PDE8B: variants seen among roughly 807,000 people sequenced by gnomAD.
The protein encoded by PDE8B is high affinity cAMP-specific and IBMX-insensitive 3',5'-cyclic phosphodiesterase 8B.
In PDE8B, 26 loss-of-function variants were observed where a neutral mutation model predicts 101.3. The observed-to-expected ratio is 0.26, with a 90% CI of 0.19 to 0.36. PDE8B has a LOEUF of 0.36. Ranked by LOEUF, PDE8B falls within the 10% of genes least tolerant of loss-of-function variation. The pLI, the probability that PDE8B is intolerant of heterozygous loss-of-function variation, is 1.00. For missense variants in PDE8B, 810 were observed against 1,163.1 expected (o/e 0.70, Z 4.42); for synonymous variants, 424 against 429.3 (o/e 0.99, Z 0.15).
the PDE8B span, among the ~76,000 whole-genome samples, chr5:77,094,709 A>G: frequency 1.3e-5 from 2 of 152,194 alleles, no homozygotes; most frequent in African/African-American, 2.4e-5. Context: ...TGGTGTCAGC[A>G]TCTGCTTCTG....
chr5:77,381,506 G>A (rs981862573), intron 10 of PDE8B, among the ~76,000 whole-genome samples: 1 of 152,180 alleles, frequency 6.6e-6, no homozygotes, highest in Non-Finnish European at 1.5e-5. Flanking sequence ...TGAAATGGGT[G>A]TTGAAGGAGG....
intron 19 of PDE8B, 110 bp from the exon 20 acceptor site, chr5:77,421,711 C>G: frequency 1.0e-6 from 1 of 987,014 alleles, no homozygotes; most frequent in Non-Finnish European, 1.6e-6. Context: ...TTCGCCGAGT[C>G]CCAGTCCTAC....
At chr5:77,277,348 A>C (rs1764055625) in intron 1 of PDE8B, among the ~76,000 whole-genome samples, 1 of 152,224 alleles carries the variant, frequency 6.6e-6, no homozygotes, top group African/African-American at 2.4e-5. Flanking sequence ...GGGTTGTCAG[A>C]ATGCAAAAAT....
At chr5:77,413,071 G>A (rs1362289628) in intron 16 of PDE8B, 40 bp from the exon 17 acceptor site, 1 of 1,544,976 alleles carries the variant, frequency 6.5e-7, no homozygotes, top group Non-Finnish European at 8.9e-7. Context: ...TTCTGGGCCA[G>A]TGAATACAAT....
chr5:77,176,926 A>G, the PDE8B span, among the ~76,000 whole-genome samples: 1,199 of 152,068 alleles, frequency 7.9e-3, 20 homozygotes, highest in African/African-American at 0.027. Flanking sequence ...CCCCAGCCCC[A>G]CCTCCAGCTA....
At chr5:77,259,087 A>G in intron 1 of PDE8B, among the ~76,000 whole-genome samples, 1 of 36,108 alleles carries the variant, frequency 2.8e-5, no homozygotes, top group African/African-American at 1.2e-4. Flanking sequence ...CCCCCCCCAC[A>G]CACACACACG....
chr5:77,194,783 T>C, the PDE8B span, among the ~76,000 whole-genome samples: 1 of 152,264 alleles, frequency 6.6e-6, no homozygotes, highest in Non-Finnish European at 1.5e-5. Context: ...TTTTTTTAAA[T>C]GGCTGAATAA....
chr5:77,345,498 C>A (rs978040902), intron 7 of PDE8B, among the ~76,000 whole-genome samples: 2 of 152,180 alleles, frequency 1.3e-5, no homozygotes, highest in African/African-American at 4.8e-5. Context: ...TGTGAAGACA[C>A]TATTGACATA....
chr5:77,158,284 A>G, the PDE8B span, among the ~76,000 whole-genome samples: 1 of 152,252 alleles, frequency 6.6e-6, no homozygotes, highest in Non-Finnish European at 1.5e-5. Context: ...GATGCTAAAA[A>G]TATGTAGTGA....
At chr5:77,283,517 C>T (rs1226984011) in intron 1 of PDE8B, among the ~76,000 whole-genome samples, 1 of 152,188 alleles carries the variant, frequency 6.6e-6, no homozygotes, top group Non-Finnish European at 1.5e-5. Context: ...CTGACAACCA[C>T]TGATCTTTTT....
Position 77,331,456 on chromosome 5 carries a change from C to T in PDE8B, c.705C>T (p.Asn235=), listed in dbSNP as rs1437364677. 3.1e-6 allele frequency: 5 copies of T among 1,611,702 alleles called. No homozygotes were observed. The highest frequency in any genetic ancestry group is 4.2e-6 in the Non-Finnish European group (5 of 1,177,950). The part of the protein sequence containing the change: ...SVLPLLHAGF[N]RRFMENSSII... ...TTCCTCTTCTCCACGCAGGCTTCAA[C>T]AGGGTATGTACAAGATATCCAGCAT... The change falls in exon 5 of 22, where the codon AAC becomes AAT. Residue 235 remains asparagine (N), a synonymous_variant. Coordinates refer to ENST00000264917, the MANE Select transcript of PDE8B (RefSeq NM_003719.5).
intron 1 of PDE8B, among the ~76,000 whole-genome samples, chr5:77,267,256 G>A (rs1417971417): frequency 5.9e-5 from 9 of 152,000 alleles, no homozygotes; most frequent in South Asian, 2.1e-4. Flanking sequence ...TGGCTAAGGC[G>A]GGGAAACCCC....
intron 1 of PDE8B, among the ~76,000 whole-genome samples, chr5:77,237,403 G>C (rs1053360436): frequency 9.2e-5 from 14 of 151,642 alleles, no homozygotes; most frequent in African/African-American, 3.4e-4. Context: ...ACATCTCTTT[G>C]TGTAGATTTT....
chr5:77,186,787 T>TA, the PDE8B span, among the ~76,000 whole-genome samples: 2 of 152,128 alleles, frequency 1.3e-5, no homozygotes, highest in African/African-American at 4.8e-5. Context: ...CTTTGGCAAC[T>TA]ATGTGCACCA....
At chr5:77,351,219 C>T (rs748251843) in intron 9 of PDE8B, 66 bp downstream of exon 9, 32 of 1,137,174 alleles carry the variant, frequency 2.8e-5, no homozygotes, top group Middle Eastern at 2.0e-4. Flanking sequence ...GGGCATTGGG[C>T]TTGAAATGCC....
At chr5:77,245,396 T>A (rs574631965) in intron 1 of PDE8B, among the ~76,000 whole-genome samples, 1 of 152,366 alleles carries the variant, frequency 6.6e-6, no homozygotes, top group East Asian at 1.9e-4. Context: ...TCTGTGACTT[T>A]ATATGCAAGA....
At chr5:77,328,895 A>G in intron 3 of PDE8B, 103 bp from the exon 4 acceptor site, 2 of 882,342 alleles carry the variant, frequency 2.3e-6, no homozygotes, top group Non-Finnish European at 3.8e-6. Context: ...TTCTTTAGAG[A>G]AAGATTTGAT....
chr5:77,276,194 T>A (rs1763817705), intron 1 of PDE8B, among the ~76,000 whole-genome samples: 1 of 152,238 alleles, frequency 6.6e-6, no homozygotes, highest in Non-Finnish European at 1.5e-5. Flanking sequence ...GGCATTGCAC[T>A]GATGTCCTTC....
At chr5:77,137,049 T>C in the PDE8B span, among the ~76,000 whole-genome samples, 2 of 152,342 alleles carry the variant, frequency 1.3e-5, no homozygotes, top group African/African-American at 4.8e-5. Flanking sequence ...TTTCATTCTC[T>C]GCAGGTTCTT....
Sources: allele counts gnomAD v4.1 joint callset (sites outside exome capture counted in the v4.1 genomes callset), GRCh38; gene constraint gnomAD v4.1.1; transcripts MANE v1.5; gene names NCBI Gene and HGNC (gene_info 2026-07-23, HGNC 2026-07-21).